The following SEC31B variants were observed in gnomAD, a reference collection of about 807,000 sequenced individuals.
The protein encoded by SEC31B is protein transport protein Sec31B.
In SEC31B, 113 loss-of-function variants were observed where a neutral mutation model predicts 135.0. That is an observed-to-expected ratio of 0.84 (90% CI 0.72 to 0.98). The LOEUF (loss-of-function observed/expected upper bound fraction) is 0.98. SEC31B is among the 50% of genes least tolerant of loss of function. The pLI, the probability that SEC31B is intolerant of heterozygous loss-of-function variation, is 0.00. For missense variants in SEC31B, 1,296 were observed against 1,421.1 expected (o/e 0.91, Z 1.42); for synonymous variants, 508 against 549.4 (o/e 0.92, Z 1.05).
chr10:100,505,244 G>A lies in SEC31B; in HGVS notation c.1179+117C>T, dbSNP rs559043238. On this transcript the variant is annotated intron_variant, in intron 10 of 25. Coordinates refer to ENST00000370345, the MANE Select transcript of SEC31B (RefSeq NM_015490.4). The stretch of plus-strand genomic sequence containing the variant: ...GATCCATTCTGAGACAGAGGCAGTG[G>A]GAATACGTCTGCTACAAAACTTAGC... 8.3e-5 allele frequency: 108 copies of A among 1,298,446 alleles called. No homozygotes were observed. In the African/African-American group the frequency reaches 1.5e-3, roughly 18 times the overall value. 80.4% of individuals were successfully genotyped at this position (1,298,446 alleles called of 1,614,324 possible).
At chr10:100,515,514 C>CTAA (rs1406442417) in intron 3 of SEC31B, among the ~76,000 whole-genome samples, 1 of 152,154 alleles carries the variant, frequency 6.6e-6, no homozygotes, top group African/African-American at 2.4e-5. Flanking sequence ...CCTAGCTTCT[C>CTAA]AGAGTTTCAG....
intron 24 of SEC31B, 36 bp from the exon 25 acceptor site, chr10:100,488,134 T>A (rs962120055): frequency 1.3e-6 from 2 of 1,567,680 alleles, no homozygotes; most frequent in Non-Finnish European, 1.8e-6. Flanking sequence ...CCCCAGCCCC[T>A]AAGTCTAACA....
intron 22 of SEC31B, 66 bp downstream of exon 22, chr10:100,489,637 T>C: frequency 6.2e-7 from 1 of 1,608,738 alleles, no homozygotes. Context: ...GACTGAATCC[T>C]CCAAGGAATT....
At position 100,489,298 on chromosome 10, in the gene SEC31B, C is replaced by G. The variant is rs759145224; in HGVS notation, c.3125G>C (p.Ser1042Thr). The change falls in exon 23 of 26, where the codon AGT becomes ACT. Residue 1042 changes from serine to threonine, a missense_variant. Physicochemically the swap from Ser to Thr is moderately conservative, Grantham distance 58 (BLOSUM62 1). Coordinates refer to ENST00000370345, the MANE Select transcript of SEC31B (RefSeq NM_015490.4). ...GILPSQPPVS[S>T]VSHAPPGVPG... ...AACTCCTGGGGGAGCATGACTCACA[C>G]TGGAGACAGGGGGCTGTGAGGGAAG... is the stretch of plus-strand genomic sequence containing the variant. The G allele has an allele frequency of 3.7e-6, 6 of 1,613,116 alleles. No individual in the cohort carries two copies. Among genetic ancestry groups the G allele is most frequent in the Non-Finnish European group, 5.1e-6 (6 of 1,179,740 alleles).
In SEC31B at chr10:100,516,117, CCT is replaced by C; in HGVS notation, c.180_181del (p.Gly61SerfsTer84). The C allele has an allele frequency of 1.9e-6, 3 of 1,614,114 alleles. No individual in the cohort carries two copies. The highest frequency in any genetic ancestry group is 2.5e-6 in the Non-Finnish European group (3 of 1,180,002). On this transcript the variant is annotated frameshift_variant, in exon 3 of 26. Coordinates refer to ENST00000370345, the MANE Select transcript of SEC31B (RefSeq NM_015490.4). LOFTEE classifies it high-confidence loss of function. ...ATACCTGCTCAAGGCAGAAAGGACTCCTCTGTGTTTCAAGTCCAGAGAAGGGT... is the reference window on the plus strand; with the variant it reads ...ATACCTGCTCAAGGCAGAAAGGACTCCTGTGTTTCAAGTCCAGAGAAGGGT...
chr10:100,490,375 A>G, intron 20 of SEC31B, 53 bp from the exon 21 acceptor site: 1 of 1,541,232 alleles, frequency 6.5e-7, no homozygotes, highest in Non-Finnish European at 8.8e-7. Context: ...TTCAGGAGCA[A>G]CTCAGAGCAT....
At chr10:100,506,445 T>A (rs1206809331) in intron 7 of SEC31B, 25 bp from the exon 8 acceptor site, 5 of 1,607,812 alleles carry the variant, frequency 3.1e-6, no homozygotes, top group Non-Finnish European at 4.3e-6. Flanking sequence ...GAAGAGGAAC[T>A]AGCATTTGTT....
intron 16 of SEC31B, 185 bp from the exon 17 acceptor site, chr10:100,497,465 A>G (rs1851433775): frequency 4.8e-6 from 7 of 1,472,146 alleles, no homozygotes; most frequent in South Asian, 1.4e-5. Flanking sequence ...AAGACAAGGT[A>G]AAACAGGACA....
chr10:100,505,647 G>A, intron 9 of SEC31B, 152 bp from the exon 10 acceptor site: 1 of 1,428,798 alleles, frequency 7.0e-7, no homozygotes, highest in Non-Finnish European at 9.1e-7. Context: ...GGAAGTGAGT[G>A]GTAGCGAGGG....
chr10:100,498,361 G>A (rs1851453748), intron 14 of SEC31B, 154 bp from the exon 15 acceptor site: 2 of 761,726 alleles, frequency 2.6e-6, no homozygotes, highest in South Asian at 1.9e-5. Flanking sequence ...GCAATAAAAT[G>A]TATTTTGGTG....
intron 16 of SEC31B, 96 bp from the exon 17 acceptor site, chr10:100,497,376 A>T: frequency 6.4e-7 from 1 of 1,557,694 alleles, no homozygotes; most frequent in South Asian, 1.2e-5. Flanking sequence ...AGCCTGGGAC[A>T]AGTAGCTGCA....
intron 3 of SEC31B, among the ~76,000 whole-genome samples, chr10:100,510,682 T>C (rs1016923863): frequency 1.3e-5 from 2 of 152,148 alleles, no homozygotes; most frequent in South Asian, 4.1e-4. Context: ...GAGTAGGTGA[T>C]AGGCAGGAAC....
In SEC31B at chr10:100,496,414, C is replaced by T; in HGVS notation, c.2154G>A (p.Val718=). The change falls in exon 18 of 26, where the codon GTG becomes GTA. Residue 718 remains valine (V), a synonymous_variant. Transcript: ENST00000370345. ...GCTCCAAGCTCCTGTTAAGAACCATCACCTTCTCCATCAGGTCCTGTAAGG... is the reference window on the plus strand; with the variant it reads ...GCTCCAAGCTCCTGTTAAGAACCATTACCTTCTCCATCAGGTCCTGTAAGG... ...PMALQDLMEK[V]MVLNRSLEQL... is the part of the protein sequence containing the mutation. 6.2e-7 allele frequency: 1 copy of T among 1,614,146 alleles called. No homozygotes were observed. The highest frequency in any genetic ancestry group is 8.5e-7 in the Non-Finnish European group (1 of 1,180,006).
In SEC31B at chr10:100,489,990, C is replaced by T. The variant is rs1161892654; in HGVS notation, c.2965+18G>A. 6.5e-7 allele frequency: 1 copy of T among 1,533,356 alleles called. No homozygotes were observed. The highest frequency in any genetic ancestry group is 8.7e-7 in the Non-Finnish European group (1 of 1,144,722). 95.0% of individuals were successfully genotyped at this position (1,533,356 alleles called of 1,614,324 possible). A position where few individuals can be genotyped will look rare whatever the true frequency, so the allele number is the denominator to read the frequency against. ...GAGGCAATAACCCAGAAGAGGGATCCATGGAAGGAAGACTGACCTGGGTGA... is the reference window on the plus strand; with the variant it reads ...GAGGCAATAACCCAGAAGAGGGATCTATGGAAGGAAGACTGACCTGGGTGA... On this transcript the variant is annotated intron_variant, in intron 21 of 25. Coordinates refer to ENST00000370345, the MANE Select transcript of SEC31B (RefSeq NM_015490.4).
At chr10:100,506,013 C>G (rs771131060) in intron 9 of SEC31B, 27 bp downstream of exon 9, 1 of 1,612,344 alleles carries the variant, frequency 6.2e-7, no homozygotes, top group Non-Finnish European at 8.5e-7. Context: ...CCCTTCCCTC[C>G]AGCATTCTCT....
chr10:100,514,980 C>CAAAAAA (rs1232368371), intron 3 of SEC31B, among the ~76,000 whole-genome samples: 2 of 63,950 alleles, frequency 3.1e-5, no homozygotes, highest in African/African-American at 1.1e-4. Context: ...GACTCCATCT[C>CAAAAAA]AAAAAAAAAA....
At position 100,487,682 on chromosome 10, in the gene SEC31B, G is replaced by T. The variant is rs747700895; in HGVS notation, c.3474C>A (p.Ser1158Arg). Residue 1158 changes from serine to arginine, a missense_variant, in exon 26 of 26, where the codon AGC (serine) becomes AGA (arginine). Coordinates refer to ENST00000370345, the MANE Select transcript of SEC31B (RefSeq NM_015490.4). ...HAQVAGCSSF[S>R]EVSSFMPILK... is the part of the protein sequence containing the mutation. ...GGATAGGCATGAAGCTGGACACCTC[G>T]CTGAAGCTGCTACAGCCCGCCACCT... The T allele has an allele frequency of 1.9e-6, 3 of 1,613,750 alleles. No individual in the cohort carries two copies. In the East Asian group the frequency reaches 6.7e-5, roughly 36 times the overall value.
intron 21 of SEC31B, 62 bp downstream of exon 21, chr10:100,489,946 A>C: frequency 6.5e-7 from 1 of 1,532,128 alleles, no homozygotes; most frequent in Non-Finnish European, 8.7e-7. Context: ...AGACTCCCAA[A>C]GTAGTGAGAG....
At chr10:100,492,582 G>A (rs1428244382) in intron 19 of SEC31B, among the ~76,000 whole-genome samples, 3 of 152,138 alleles carry the variant, frequency 2.0e-5, no homozygotes, top group South Asian at 4.1e-4. Flanking sequence ...TAAGGCATAA[G>A]AAAGAAATTA....
Sources: allele counts gnomAD v4.1 joint callset (sites outside exome capture counted in the v4.1 genomes callset), GRCh38; gene constraint gnomAD v4.1.1; transcripts MANE v1.5; gene names NCBI Gene and HGNC (gene_info 2026-07-23, HGNC 2026-07-21).